The following PCDH7 variants were observed in gnomAD, a reference collection of about 807,000 sequenced individuals.
PCDH7 encodes protocadherin-7.
A neutral mutation model predicts 58.9 loss-of-function variants in PCDH7; 17 were observed. The observed-to-expected ratio is 0.29, with a 90% CI of 0.20 to 0.43. The LOEUF (loss-of-function observed/expected upper bound fraction) is 0.43. PCDH7 is among the 20% of genes least tolerant of loss of function. The pLI, the probability that PCDH7 is intolerant of heterozygous loss-of-function variation, is 1.00. For missense variants in PCDH7, 1,274 were observed against 1,441.0 expected, an observed-to-expected ratio of 0.88 and a Z score of 1.88; for synonymous variants, 664 against 616.4, an observed-to-expected ratio of 1.08 and a Z score of -1.14.
intron 1 of PCDH7, among the ~76,000 whole-genome samples, chr4:30,813,884 C>G (rs1036483552): frequency 6.6e-6 from 1 of 152,150 alleles, no homozygotes; most frequent in African/African-American, 2.4e-5. Context: ...TCGTGATCTG[C>G]CAGCCTCGGC....
chr4:30,966,006 A>C (rs1748963990), intron 3 of PCDH7, among the ~76,000 whole-genome samples: 1 of 152,148 alleles, frequency 6.6e-6, no homozygotes, highest in Admixed American at 6.5e-5. Flanking sequence ...TTCAGTGCAC[A>C]TAAGATGATT....
intron 3 of PCDH7, among the ~76,000 whole-genome samples, chr4:30,971,325 C>G (rs1749563503): frequency 6.6e-6 from 1 of 152,154 alleles, no homozygotes; most frequent in South Asian, 2.1e-4. Context: ...AACCAAGGCT[C>G]CAATTACTCT....
intron 1 of PCDH7, among the ~76,000 whole-genome samples, chr4:30,778,049 C>T (rs946554811): frequency 1.3e-5 from 2 of 151,992 alleles, no homozygotes; most frequent in African/African-American, 2.4e-5. Context: ...TGCATTAGTG[C>T]AGTCTTCATT....
At chr4:30,904,687 C>A (rs772547622) in intron 1 of PCDH7, among the ~76,000 whole-genome samples, 5 of 152,160 alleles carry the variant, frequency 3.3e-5, no homozygotes, top group Non-Finnish European at 7.3e-5. Flanking sequence ...TTAACATATG[C>A]TCGGCGTTGA....
chr4:31,072,653 C>T (rs1249725780), intron 3 of PCDH7, among the ~76,000 whole-genome samples: 3 of 152,100 alleles, frequency 2.0e-5, no homozygotes, highest in East Asian at 1.9e-4. Context: ...GCCAGAAGTC[C>T]GAGAACGTTT....
rs142849769 is a variant in PCDH7, at chr4:31,086,316, G to A, written c.*8-56157G>A. The stretch of plus-strand genomic sequence containing the variant: ...CAAAAATCCTAATTCTTGACCTACA[G>A]CATTTCAGAAAACTTTTCAGTCGAT... On this transcript the variant is annotated intron_variant, in intron 3 of 3. Coordinates refer to the PCDH7 transcript ENST00000509759. Among the ~76,000 whole-genome samples the A allele has an allele frequency of 3.1e-4, 47 of 152,222 alleles. No individual in the cohort carries two copies. In the East Asian group the frequency reaches 8.5e-3, roughly 28 times the overall value.
intron 1 of PCDH7, among the ~76,000 whole-genome samples, chr4:30,919,016 A>G (rs774409063): frequency 4.6e-5 from 7 of 152,124 alleles, no homozygotes; most frequent in Non-Finnish European, 7.4e-5. Context: ...ATGAACATTC[A>G]AGTTATAAAG....
chr4:31,134,465 C>CA (rs1026278013), intron 3 of PCDH7, among the ~76,000 whole-genome samples: 61 of 152,068 alleles, frequency 4.0e-4, no homozygotes, highest in Admixed American at 2.8e-3. Context: ...TCTCAAAAAA[C>CA]AAAAAACAAA....
At chr4:30,852,208 A>C (rs1458320832) in intron 1 of PCDH7, among the ~76,000 whole-genome samples, 3 of 152,134 alleles carry the variant, frequency 2.0e-5, no homozygotes, top group African/African-American at 7.2e-5. Context: ...ATGACAAAAT[A>C]TAGAATATCA....
intron 3 of PCDH7, among the ~76,000 whole-genome samples, chr4:31,082,113 C>G (rs1711564824): frequency 6.6e-6 from 1 of 152,096 alleles, no homozygotes; most frequent in African/African-American, 2.4e-5. Context: ...ACTGAAAGTA[C>G]ACTTATGGAA....
At chr4:31,131,575 A>T (rs1718994026) in intron 3 of PCDH7, among the ~76,000 whole-genome samples, 1 of 151,966 alleles carries the variant, frequency 6.6e-6, no homozygotes. Flanking sequence ...TTCATCCCTT[A>T]ACAGTATTTC....
rs574269283 is a variant in PCDH7, at chr4:30,874,138, A to G, written c.71-46015A>G. Among the ~76,000 whole-genome samples the G allele has an allele frequency of 9.2e-4, 139 of 151,906 alleles. 1 individual carries two copies. The highest frequency in any genetic ancestry group is 3.1e-3 in the African/African-American group (129 of 41,378). On this transcript the variant is annotated intron_variant, in intron 1 of 3. Coordinates refer to the PCDH7 transcript ENST00000509759. The stretch of plus-strand genomic sequence containing the variant: ...CGACCATTGTGGAAGTCAGTGTGGC[A>G]ATTCCTCAGGGATCTAGAACTAGAA...
At chr4:30,918,546 T>G (rs995925702) in intron 1 of PCDH7, among the ~76,000 whole-genome samples, 3 of 152,142 alleles carry the variant, frequency 2.0e-5, no homozygotes, top group Non-Finnish European at 2.9e-5. Context: ...AAGTTTATTG[T>G]CAGTAAATTT....
rs34203962 is a variant in PCDH7 at position 31,114,632 on chromosome 4, AACACAC to A, written c.*8-27810_*8-27805del. Among the ~76,000 whole-genome samples, 1,417 of 143,680 alleles carry A rather than the reference AACACAC, an allele frequency of 9.9e-3. 7 individuals are homozygous for A. The highest frequency in any genetic ancestry group is 0.019 in the African/African-American group (724 of 38,516). 94.3% of individuals were successfully genotyped at this position (143,680 alleles called of 152,430 possible). A position where few individuals can be genotyped will look rare whatever the true frequency, so the allele number is the denominator to read the frequency against. The stretch of plus-strand genomic sequence containing the variant: ...CACCATGCACACACTCACACATACA[AACACAC>A]ACACACACACACACACACACACACA... On this transcript the variant is annotated intron_variant, in intron 3 of 3. Coordinates refer to the PCDH7 transcript ENST00000509759.
At chr4:31,071,386 TTTAA>T (rs1388885831) in intron 3 of PCDH7, among the ~76,000 whole-genome samples, 1 of 152,052 alleles carries the variant, frequency 6.6e-6, no homozygotes, top group Non-Finnish European at 1.5e-5. Flanking sequence ...AAAATCAGTG[TTTAA>T]TTAAGAAAAA....
chr4:31,047,418 C>G (rs1258990966), intron 3 of PCDH7, among the ~76,000 whole-genome samples: 3 of 152,006 alleles, frequency 2.0e-5, no homozygotes, highest in Non-Finnish European at 4.4e-5. Flanking sequence ...AACATTGGGT[C>G]ATGTACAGCT....
intron 3 of PCDH7, among the ~76,000 whole-genome samples, chr4:30,953,478 A>C (rs138398290): frequency 1.2e-4 from 19 of 152,094 alleles, no homozygotes; most frequent in African/African-American, 4.3e-4. Flanking sequence ...TCTTGCCTAA[A>C]ACAAGCAATT....
chr4:30,973,281 T>C (rs1749768339), intron 3 of PCDH7, among the ~76,000 whole-genome samples: 1 of 152,030 alleles, frequency 6.6e-6, no homozygotes, highest in Non-Finnish European at 1.5e-5. Flanking sequence ...TGAGCAGAGA[T>C]TGAGAAATGC....
intron 1 of PCDH7, among the ~76,000 whole-genome samples, chr4:30,900,605 G>A (rs1025414331): frequency 1.3e-5 from 2 of 152,168 alleles, no homozygotes; most frequent in Non-Finnish European, 2.9e-5. Flanking sequence ...TCAGTGCATG[G>A]AAGTCCCAGG....
Sources: gnomAD v4.1 joint callset for allele counts (sites outside exome capture counted in the v4.1 genomes callset) on GRCh38, gnomAD v4.1.1 for gene constraint, MANE v1.5 for transcripts, NCBI Gene and HGNC (gene_info 2026-07-23, HGNC 2026-07-21) for gene names.